KCNH8: variants seen among roughly 807,000 people sequenced by gnomAD.
KCNH8 encodes potassium voltage-gated channel subfamily H member 8.
KCNH8 carries 70 observed loss-of-function variants against 103.6 expected under a neutral mutation model. That is an observed-to-expected ratio of 0.68 (90% CI 0.56 to 0.82). The LOEUF is 0.82. Among genes scored for constraint, KCNH8 ranks in the 40% least tolerant of loss-of-function variants. The pLI, the probability that KCNH8 is intolerant of heterozygous loss-of-function variation, is 0.00. For missense variants in KCNH8, 1,217 were observed against 1,329.9 expected (o/e 0.92, Z 1.32); for synonymous variants, 498 against 489.4 (o/e 1.02, Z -0.23).
chr3:19,257,151 CCTT>C (rs1176073879), intron 2 of KCNH8, among the ~76,000 whole-genome samples: 5 of 152,024 alleles, frequency 3.3e-5, no homozygotes, highest in Non-Finnish European at 7.4e-5. Flanking sequence ...TGTCCTCCTT[CCTT>C]TCTTCAAGGA....
chr3:19,477,762 C>T (rs566904008), intron 11 of KCNH8, among the ~76,000 whole-genome samples: 2 of 152,240 alleles, frequency 1.3e-5, no homozygotes, highest in East Asian at 3.9e-4. Flanking sequence ...AATACATCTT[C>T]TTCTTTAAAT....
intron 1 of KCNH8, among the ~76,000 whole-genome samples, chr3:19,188,965 T>A (rs1000641894): frequency 1.3e-5 from 2 of 152,002 alleles, no homozygotes; most frequent in Non-Finnish European, 2.9e-5. Context: ...GTTTTTTTTT[T>A]AACACAAACT....
At chr3:19,440,253 AGAG>A (rs572129626) in intron 8 of KCNH8, among the ~76,000 whole-genome samples, 48 of 152,328 alleles carry the variant, frequency 3.2e-4, no homozygotes, top group Non-Finnish European at 6.0e-4. Context: ...AGCAAGAAGA[AGAG>A]AACTAGCTAG....
At chr3:19,291,299 T>G (rs1559462230) in intron 3 of KCNH8, among the ~76,000 whole-genome samples, 1 of 152,288 alleles carries the variant, frequency 6.6e-6, no homozygotes, top group Non-Finnish European at 1.5e-5. Context: ...TTGAATGTGT[T>G]TGCTCTTGCT....
intron 3 of KCNH8, among the ~76,000 whole-genome samples, chr3:19,341,391 C>T (rs1029780851): frequency 1.3e-5 from 2 of 152,072 alleles, no homozygotes; most frequent in African/African-American, 4.8e-5. Context: ...GTTTAGCAAC[C>T]ACCAGACCAT....
chr3:19,264,270 G>C (rs1390814933), intron 2 of KCNH8, among the ~76,000 whole-genome samples: 1 of 152,066 alleles, frequency 6.6e-6, no homozygotes, highest in Non-Finnish European at 1.5e-5. Context: ...TGCACTGAAG[G>C]TAGCACATGC....
intron 15 of KCNH8, among the ~76,000 whole-genome samples, chr3:19,529,754 A>G (rs1290893387): frequency 1.3e-5 from 2 of 152,140 alleles, no homozygotes; most frequent in Non-Finnish European, 2.9e-5. Context: ...TTGCCATGGT[A>G]AAAAGAGAGA....
At chr3:19,377,924 T>C (rs2066233810) in intron 5 of KCNH8, among the ~76,000 whole-genome samples, 1 of 152,222 alleles carries the variant, frequency 6.6e-6, no homozygotes, top group African/African-American at 2.4e-5. Flanking sequence ...TTTGAAGAAG[T>C]GCTCAACAAT....
At chr3:19,510,249 C>A in intron 11 of KCNH8, 114 bp from the exon 12 acceptor site, 1 of 705,000 alleles carries the variant, frequency 1.4e-6, no homozygotes. Flanking sequence ...TTCCTGTGCT[C>A]CTTCCCTCCC....
intron 1 of KCNH8, among the ~76,000 whole-genome samples, chr3:19,156,989 A>G (rs1045369235): frequency 3.3e-5 from 5 of 151,114 alleles, no homozygotes; most frequent in African/African-American, 4.9e-5. Context: ...TTTTAAAAAA[A>G]AGGTTTTCTT....
chr3:19,326,631 A>G (rs562270693), intron 3 of KCNH8, among the ~76,000 whole-genome samples: 1 of 152,132 alleles, frequency 6.6e-6, no homozygotes, highest in East Asian at 1.9e-4. Context: ...GTAGCTGTTA[A>G]TATCAGATAT....
intron 13 of KCNH8, 92 bp from the exon 14 acceptor site, chr3:19,515,230 A>T: frequency 3.0e-6 from 2 of 657,538 alleles, no homozygotes; most frequent in South Asian, 2.4e-5. Flanking sequence ...TCTAGAATTT[A>T]GAAATTTAAC....
At chr3:19,452,820 T>C (rs1443874661) in intron 10 of KCNH8, among the ~76,000 whole-genome samples, 1 of 152,172 alleles carries the variant, frequency 6.6e-6, no homozygotes, top group East Asian at 1.9e-4. Flanking sequence ...AAAGCTAACC[T>C]AAGACTTTGG....
chr3:19,161,657 T>A (rs376788335), intron 1 of KCNH8, among the ~76,000 whole-genome samples: 14 of 152,198 alleles, frequency 9.2e-5, no homozygotes, highest in Admixed American at 3.3e-4. Context: ...GTAAATTCAG[T>A]TTAAAAGGTC....
chr3:19,514,372 G>C (rs1193214503), intron 13 of KCNH8, among the ~76,000 whole-genome samples: 1 of 151,886 alleles, frequency 6.6e-6, no homozygotes, highest in Non-Finnish European at 1.5e-5. Flanking sequence ...TGAAAATATT[G>C]CTTAACTCTT....
intron 1 of KCNH8, among the ~76,000 whole-genome samples, chr3:19,214,574 G>A (rs924895289): frequency 2.6e-5 from 4 of 152,210 alleles, no homozygotes; most frequent in African/African-American, 9.6e-5. Context: ...ATCAGGCCAA[G>A]GCTAAACTTT....
At chr3:19,442,211 G>A (rs779425358) in intron 8 of KCNH8, among the ~76,000 whole-genome samples, 4 of 152,142 alleles carry the variant, frequency 2.6e-5, no homozygotes, top group Non-Finnish European at 5.9e-5. Context: ...TATATCCAGC[G>A]TTATGACTTT....
intron 11 of KCNH8, among the ~76,000 whole-genome samples, chr3:19,478,752 G>A (rs1001580215): frequency 6.6e-6 from 1 of 152,026 alleles, no homozygotes; most frequent in Non-Finnish European, 1.5e-5. Context: ...TGTAAGACTA[G>A]TTCTAGCCAC....
At chr3:19,473,866 A>G (rs377178426) in intron 11 of KCNH8, among the ~76,000 whole-genome samples, 2 of 151,850 alleles carry the variant, frequency 1.3e-5, no homozygotes, top group East Asian at 4.0e-4. Flanking sequence ...TTTTCCGTCA[A>G]CCTGCAAATA....
Sources: gnomAD v4.1 joint callset for allele counts (sites outside exome capture counted in the v4.1 genomes callset) on GRCh38, gnomAD v4.1.1 for gene constraint, MANE v1.5 for transcripts, NCBI Gene and HGNC (gene_info 2026-07-23, HGNC 2026-07-21) for gene names.